TARS3: variants seen among roughly 807,000 people sequenced by gnomAD.
TARS3 encodes the protein threonyl-tRNA synthetase 3.
Under a neutral mutation model 103.5 loss-of-function variants are expected in TARS3, and 94 were observed. The observed-to-expected ratio is 0.91, with a 90% confidence interval of 0.77 to 1.08. The LOEUF is 1.08. Ranked by LOEUF, TARS3 falls within the 50% of genes least tolerant of loss-of-function variation. The pLI is 0.00. For synonymous variants in TARS3, 416 were observed against 355.4 expected (o/e 1.17, Z -1.92); for missense variants, 952 against 995.2 (o/e 0.96, Z 0.58).
rs368081576 is a variant in TARS3 at position 101,660,638 on chromosome 15, A to T, written c.2072+1074T>A. The stretch of plus-strand genomic sequence containing the variant: ...GGATCCAACGTAATCAACCTGCTAC[A>T]AGACCACTGGCTATTACCCCAGGTT... On this transcript the variant is annotated intron_variant, in intron 16 of 18. Transcript: ENST00000335968. 3.3e-5 allele frequency among the ~76,000 whole-genome samples: 5 copies of T among 152,348 alleles called. No homozygotes were observed. The South Asian group carries it at 8.3e-4, about 25-fold the overall frequency.
At chr15:101,669,735 A>G (rs139002745) in intron 15 of TARS3, among the ~76,000 whole-genome samples, 1 of 152,346 alleles carries the variant, frequency 6.6e-6, no homozygotes, top group African/African-American at 2.4e-5. Flanking sequence ...TAGAAGCAAT[A>G]GTCTAGACCA....
chr15:101,671,780 T>C, intron 13 of TARS3, 32 bp from the exon 14 acceptor site: 2 of 1,570,708 alleles, frequency 1.3e-6, no homozygotes, highest in Non-Finnish European at 1.7e-6. Context: ...GATACAATTA[T>C]ACACTGTATC....
chr15:101,704,613 C>T (rs930589187), intron 7 of TARS3, among the ~76,000 whole-genome samples: 2 of 150,536 alleles, frequency 1.3e-5, no homozygotes, highest in Non-Finnish European at 2.9e-5. Context: ...CGAGGTCGCG[C>T]CATCGCACTC....
intron 10 of TARS3, among the ~76,000 whole-genome samples, chr15:101,699,787 A>G (rs1161608989): frequency 1.3e-5 from 2 of 152,250 alleles, no homozygotes; most frequent in Admixed American, 1.3e-4. Context: ...AGACTGGAGA[A>G]GCAAACAGAG....
chr15:101,668,217 T>C (rs1441756816), intron 15 of TARS3, among the ~76,000 whole-genome samples: 2 of 152,224 alleles, frequency 1.3e-5, no homozygotes, highest in Non-Finnish European at 2.9e-5. Flanking sequence ...CTTAATCATT[T>C]CTAGCTTTTG....
intron 12 of TARS3, among the ~76,000 whole-genome samples, chr15:101,679,875 G>A (rs750905155): frequency 3.9e-5 from 6 of 152,150 alleles, no homozygotes; most frequent in Non-Finnish European, 7.4e-5. Context: ...GGAGCTCCTC[G>A]TTACTTCTGG....
intron 12 of TARS3, among the ~76,000 whole-genome samples, chr15:101,677,418 C>A (rs1225635641): frequency 6.6e-6 from 1 of 152,164 alleles, no homozygotes; most frequent in African/African-American, 2.4e-5. Context: ...CTGGGACTTA[C>A]ACCAGCTCCC....
chr15:101,687,035 A>AGT (rs1030907600), intron 10 of TARS3, among the ~76,000 whole-genome samples: 3 of 152,176 alleles, frequency 2.0e-5, no homozygotes, highest in Non-Finnish European at 4.4e-5. Context: ...GCATCCTGGC[A>AGT]GTCCACGGTA....
At chr15:101,707,574 GC>G (rs1453707586) in intron 6 of TARS3, among the ~76,000 whole-genome samples, 1 of 152,178 alleles carries the variant, frequency 6.6e-6, no homozygotes, top group African/African-American at 2.4e-5. Flanking sequence ...AGGACTTTTT[GC>G]TGAGTGAAAC....
chr15:101,708,941 T>C (rs748285283), intron 5 of TARS3, 31 bp from the exon 6 acceptor site: 9 of 1,393,196 alleles, frequency 6.5e-6, no homozygotes, highest in Non-Finnish European at 8.8e-6. Flanking sequence ...CCGACATCCA[T>C]CTTCCAGACA....
intron 18 of TARS3, chr15:101,655,864 T>C (rs1015397430): frequency 7.8e-7 from 1 of 1,281,594 alleles, no homozygotes; most frequent in Non-Finnish European, 1.0e-6. Context: ...CCACCTGGCA[T>C]ACCTGATGAG....
At chr15:101,697,770 G>T (rs981456956) in intron 10 of TARS3, among the ~76,000 whole-genome samples, 1 of 152,164 alleles carries the variant, frequency 6.6e-6, no homozygotes, top group Non-Finnish European at 1.5e-5. Flanking sequence ...AAAGTCTTAG[G>T]AGTGTGCTTT....
At chr15:101,673,405 C>T (rs896316448) in intron 13 of TARS3, among the ~76,000 whole-genome samples, 2 of 152,190 alleles carry the variant, frequency 1.3e-5, no homozygotes, top group Non-Finnish European at 2.9e-5. Flanking sequence ...CTTACACGTG[C>T]CTGGCACTAT....
intron 4 of TARS3, among the ~76,000 whole-genome samples, chr15:101,713,724 G>C (rs768644264): frequency 6.6e-6 from 1 of 152,150 alleles, no homozygotes; most frequent in Non-Finnish European, 1.5e-5. Context: ...GGTTAAAATC[G>C]AAAATTTCAT....
chr15:101,680,185 CT>C (rs1206137239), intron 12 of TARS3, among the ~76,000 whole-genome samples: 1 of 152,190 alleles, frequency 6.6e-6, no homozygotes, highest in Non-Finnish European at 1.5e-5. Flanking sequence ...TATTGAGGTA[CT>C]TATTTAGAGC....
chr15:101,723,860 G>A (rs1900615636), intron 1 of TARS3, among the ~76,000 whole-genome samples: 1 of 152,238 alleles, frequency 6.6e-6, no homozygotes, highest in African/African-American at 2.4e-5. Context: ...TTTAATGGAC[G>A]AATTGAGAAA....
chr15:101,689,220 G>A (rs1006520131), intron 10 of TARS3, among the ~76,000 whole-genome samples: 1 of 151,964 alleles, frequency 6.6e-6, no homozygotes, highest in South Asian at 2.1e-4. Flanking sequence ...GGAGTAAGGA[G>A]GACTGTGTCT....
rs1897391206 is a variant in TARS3, at chr15:101,661,817, C to G, written c.1968-1G>C. ...TCTCTTCTTATCATCCCCATCCTTA[C>G]TAAAAAATGAAAATTATACATTTAA... On this transcript the variant is annotated splice_acceptor_variant, in intron 15 of 18. Coordinates refer to ENST00000335968, the MANE Select transcript of TARS3 (RefSeq NM_152334.3). LOFTEE classifies it high-confidence loss of function. 1.9e-6 allele frequency: 3 copies of G among 1,556,516 alleles called. No homozygotes were observed. In the East Asian group the frequency reaches 6.8e-5, roughly 35 times the overall value.
Position 101,698,061 on chromosome 15 carries a change from G to A in TARS3, c.1320+3025C>T, listed in dbSNP as rs376469426. On this transcript the variant is annotated intron_variant, in intron 10 of 18. Coordinates refer to ENST00000335968, the MANE Select transcript of TARS3 (RefSeq NM_152334.3). The stretch of plus-strand genomic sequence containing the variant: ...TGAGAACAAAGCTACCCCAGGCCGG[G>A]CGCGGTGACTCACGCCTGTAATCCC... 5.9e-5 allele frequency among the ~76,000 whole-genome samples: 9 copies of A among 152,330 alleles called. No individual in the cohort carries two copies. The South Asian group carries it at 1.9e-3, about 32-fold the overall frequency.
Sources: allele counts gnomAD v4.1 joint callset (sites outside exome capture counted in the v4.1 genomes callset), GRCh38; gene constraint gnomAD v4.1.1; transcripts MANE v1.5; gene names NCBI Gene and HGNC (gene_info 2026-07-23, HGNC 2026-07-21).